The following SPAG16 variants were observed in gnomAD, a reference collection of about 807,000 sequenced individuals.
SPAG16 encodes sperm-associated antigen 16 protein.
Under a neutral mutation model 80.4 loss-of-function variants are expected in SPAG16, and 86 were observed. That is an observed-to-expected ratio of 1.07 (90% CI 0.90 to 1.28). The LOEUF is 1.28. Ranked by LOEUF, SPAG16 falls within the 50% of genes most tolerant of loss-of-function variation. The pLI, the probability that SPAG16 is intolerant of heterozygous loss-of-function variation, is 0.00. For missense variants in SPAG16, 870 were observed against 765.3 expected (o/e 1.14, Z -1.61); for synonymous variants, 294 against 265.9 (o/e 1.11, Z -1.03).
chr2:213,965,111 G>A (rs1056965159), intron 12 of SPAG16, among the ~76,000 whole-genome samples: 4 of 152,084 alleles, frequency 2.6e-5, no homozygotes, highest in Non-Finnish European at 5.9e-5. Context: ...TAGTGGCTTG[G>A]CTGACTGTTC....
intron 15 of SPAG16, among the ~76,000 whole-genome samples, chr2:214,208,458 C>G (rs1478649423): frequency 2.6e-5 from 4 of 152,056 alleles, no homozygotes; most frequent in Admixed American, 6.6e-5. Flanking sequence ...TAGACATGCT[C>G]AAAGTAAAGG....
intron 10 of SPAG16, among the ~76,000 whole-genome samples, chr2:213,630,915 A>G (rs1227399056): frequency 1.3e-5 from 2 of 152,216 alleles, no homozygotes; most frequent in East Asian, 1.9e-4. Flanking sequence ...AAAATAATAC[A>G]TAACAACATG....
At chr2:214,036,577 T>C (rs2048708783) in intron 13 of SPAG16, among the ~76,000 whole-genome samples, 7 of 152,248 alleles carry the variant, frequency 4.6e-5, no homozygotes, top group Admixed American at 4.6e-4. Flanking sequence ...CTGGTTTCTC[T>C]GCTTCCATTC....
At chr2:214,249,456 G>A (rs1690091174) in intron 15 of SPAG16, among the ~76,000 whole-genome samples, 1 of 152,060 alleles carries the variant, frequency 6.6e-6, no homozygotes, top group Non-Finnish European at 1.5e-5. Context: ...ATGGGGAGGA[G>A]AAGAGGAAGG....
intron 10 of SPAG16, among the ~76,000 whole-genome samples, chr2:213,554,677 TAAC>T (rs2059370089): frequency 6.7e-6 from 1 of 149,070 alleles, no homozygotes; most frequent in South Asian, 2.1e-4. Context: ...TTATAAAAAA[TAAC>T]AAACAAAACT....
chr2:213,812,747 A>C lies in SPAG16; in HGVS notation c.1071-49738A>C, dbSNP rs186354975. On this transcript the variant is annotated intron_variant, in intron 10 of 15. Transcript: ENST00000331683. ...TTCATTCATACAACAAATATTTAGC[A>C]TTTTTTGTTTTATTACATGTAACTA... 8.4e-3 allele frequency among the ~76,000 whole-genome samples: 1,273 copies of C among 151,784 alleles called. 15 individuals are homozygous for C. Among genetic ancestry groups the C allele is most frequent in the Non-Finnish European group, 8.6e-3 (583 of 67,890 alleles).
At position 213,408,127 on chromosome 2, in the gene SPAG16, CAA is replaced by C. The variant is rs956483563; in HGVS notation, c.942+33014_942+33015del. Among the ~76,000 whole-genome samples the C allele has an allele frequency of 8.0e-4, 103 of 128,046 alleles. 1 individual carries two copies. The highest frequency in any genetic ancestry group is 3.1e-3 in the African/African-American group (102 of 32,986). 84.0% of individuals were successfully genotyped at this position (128,046 alleles called of 152,430 possible). On this transcript the variant is annotated intron_variant, in intron 9 of 15. Coordinates refer to ENST00000331683, the MANE Select transcript of SPAG16 (RefSeq NM_024532.5). ...AAAAACAAAAACAAAGAAAAAAAAACAAAAAAACCAGTGTACCCTATTCCTTT... is the reference window on the plus strand; with the variant it reads ...AAAAACAAAAACAAAGAAAAAAAAACAAAAACCAGTGTACCCTATTCCTTT...
chr2:213,943,614 A>C (rs2079309222), intron 12 of SPAG16, among the ~76,000 whole-genome samples: 1 of 152,202 alleles, frequency 6.6e-6, no homozygotes, highest in Admixed American at 6.5e-5. Flanking sequence ...ATTTAGCTAA[A>C]AAAAATTTCT....
At chr2:214,328,175 A>C (rs1696631547) in intron 15 of SPAG16, among the ~76,000 whole-genome samples, 1 of 144,142 alleles carries the variant, frequency 6.9e-6, no homozygotes. Context: ...TCCTTTTTTG[A>C]GATGGAGTCT....
At chr2:213,625,680 GT>G (rs978555975) in intron 10 of SPAG16, among the ~76,000 whole-genome samples, 1 of 150,786 alleles carries the variant, frequency 6.6e-6, no homozygotes, top group Non-Finnish European at 1.5e-5. Flanking sequence ...TTTTTTGTTT[GT>G]TTTTGTTTTT....
At chr2:214,368,867 C>T (rs1429387403) in intron 15 of SPAG16, among the ~76,000 whole-genome samples, 1 of 151,984 alleles carries the variant, frequency 6.6e-6, no homozygotes, top group Non-Finnish European at 1.5e-5. Context: ...CCATTTCTGC[C>T]TATATCTTAA....
rs889997943 is a variant in SPAG16 at position 214,289,050 on chromosome 2, G to A, written c.1721-121090G>A. ...CCCAAAGTGCTGGGATTACAGGCAT[G>A]AGCCACCGTTCCCAGCCCTTTGCCC... On this transcript the variant is annotated intron_variant, in intron 15 of 15. Transcript: ENST00000331683. Among the ~76,000 whole-genome samples the A allele has an allele frequency of 3.9e-5, 6 of 152,010 alleles. No homozygotes were observed. The South Asian group carries it at 1.0e-3, about 26-fold the overall frequency.
chr2:213,724,460 G>T (rs2066663631), intron 10 of SPAG16, among the ~76,000 whole-genome samples: 1 of 152,074 alleles, frequency 6.6e-6, no homozygotes, highest in Non-Finnish European at 1.5e-5. Context: ...TGTATTTCCA[G>T]AGTAGGTCAA....
chr2:213,507,846 T>C (rs2075029666), intron 10 of SPAG16, among the ~76,000 whole-genome samples: 1 of 152,260 alleles, frequency 6.6e-6, no homozygotes, highest in Admixed American at 6.5e-5. Context: ...GCTTCAGCTC[T>C]GATCACTCTC....
intron 15 of SPAG16, among the ~76,000 whole-genome samples, chr2:214,225,516 T>C (rs2058679983): frequency 6.6e-6 from 1 of 152,150 alleles, no homozygotes; most frequent in Admixed American, 6.6e-5. Context: ...ATATGTAAAA[T>C]ATTAAGTTAC....
chr2:213,991,732 C>A (rs1163850442), intron 12 of SPAG16, among the ~76,000 whole-genome samples: 6 of 152,042 alleles, frequency 3.9e-5, no homozygotes, highest in Non-Finnish European at 7.4e-5. Context: ...TTTCCTGGGA[C>A]TTTTAATGGG....
chr2:213,802,395 C>CTCTATCTA (rs58879510), intron 10 of SPAG16, among the ~76,000 whole-genome samples: 9,620 of 148,028 alleles, frequency 0.065, 335 homozygotes, highest in Admixed American at 0.076. Context: ...TGATTCATGT[C>CTCTATCTA]TCTATCTATC....
chr2:213,810,008 G>C (rs2072031824), intron 10 of SPAG16, among the ~76,000 whole-genome samples: 1 of 152,144 alleles, frequency 6.6e-6, no homozygotes, highest in South Asian at 2.1e-4. Flanking sequence ...GTACGAAAAG[G>C]ATAGAAGCCC....
At chr2:213,797,767 A>T (rs1332925024) in intron 10 of SPAG16, among the ~76,000 whole-genome samples, 2 of 152,214 alleles carry the variant, frequency 1.3e-5, no homozygotes, top group Non-Finnish European at 2.9e-5. Flanking sequence ...CATTGTGAAT[A>T]AGCTGCTGTG....
Sources: allele counts gnomAD v4.1 joint callset (sites outside exome capture counted in the v4.1 genomes callset), GRCh38; gene constraint gnomAD v4.1.1; transcripts MANE v1.5; gene names NCBI Gene and HGNC (gene_info 2026-07-23, HGNC 2026-07-21).